Variants in NXN observed in about 807,000 individuals in gnomAD.
NXN encodes nucleoredoxin, also known as nucleoredoxin 1.
A neutral mutation model predicts 48.6 loss-of-function variants in NXN; 16 were observed. The observed-to-expected ratio is 0.33, with a 90% CI of 0.22 to 0.50. The LOEUF (loss-of-function observed/expected upper bound fraction) is 0.50. Among genes scored for constraint, NXN ranks in the 20% least tolerant of loss-of-function variants. The probability of loss-of-function intolerance (pLI) is 0.98; values close to 1 mark genes in which losing one functional copy is unlikely to be tolerated. For synonymous variants in NXN, 281 were observed against 269.6 expected (o/e 1.04, Z -0.41); for missense variants, 492 against 605.5 (o/e 0.81, Z 1.97).
intron 1 of NXN, among the ~76,000 whole-genome samples, chr17:955,396 C>T (rs562683833): frequency 3.3e-5 from 5 of 151,062 alleles, no homozygotes; most frequent in African/African-American, 1.2e-4. Context: ...TCTCGAACTC[C>T]TGACCTCAGG....
rs532653211 is a variant in NXN, at chr17:954,221, T to A, written c.360+25098A>T. ...GGTGAACTTCCATCTCTACTAAAAA[T>A]ACAAAAAAACTTAGCCAGGTGTGGT... On this transcript the variant is annotated intron_variant, in intron 1 of 7. Transcript: ENST00000336868. Among the ~76,000 whole-genome samples, 12 of 151,692 alleles carry A rather than the reference T, an allele frequency of 7.9e-5. No homozygotes were observed. The East Asian group carries it at 2.4e-3, about 30-fold the overall frequency.
At chr17:888,885 G>A (rs1411734782) in intron 1 of NXN, among the ~76,000 whole-genome samples, 1 of 151,472 alleles carries the variant, frequency 6.6e-6, no homozygotes. Context: ...AACCCAGGAG[G>A]TGGAGGTTGC....
chr17:841,488 T>C (rs565940254), intron 1 of NXN, among the ~76,000 whole-genome samples: 17 of 31,056 alleles, frequency 5.5e-4, no homozygotes, highest in African/African-American at 1.1e-3. Context: ...AGGTCCCCCC[T>C]GACCACGGCG....
intron 1 of NXN, among the ~76,000 whole-genome samples, chr17:890,493 C>T (rs1363328566): frequency 6.6e-6 from 1 of 152,038 alleles, no homozygotes; most frequent in Non-Finnish European, 1.5e-5. Context: ...CCTGCCTCAG[C>T]CTCCCCAGTA....
At chr17:876,548 T>C (rs994792475) in intron 1 of NXN, among the ~76,000 whole-genome samples, 3 of 152,028 alleles carry the variant, frequency 2.0e-5, no homozygotes, top group African/African-American at 7.2e-5. Context: ...ACCTGGAGAG[T>C]AGGAAGTAAG....
Position 979,696 on chromosome 17 carries a change from C to T in NXN, c.-18G>A. ...CCCGACATCCTGGCCCACCGCAGGG[C>T]GGGCAGGCGGCTGCGACCCCGCTCC... On this transcript the variant is annotated 5_prime_UTR_variant, in exon 1 of 8. Transcript: ENST00000336868. 6.4e-6 allele frequency: 9 copies of T among 1,397,334 alleles called. No homozygotes were observed. Among genetic ancestry groups the T allele is most frequent in the Non-Finnish European group, 7.5e-6 (8 of 1,073,600 alleles). 86.6% of individuals were successfully genotyped at this position (1,397,334 alleles called of 1,614,324 possible). A position where few individuals can be genotyped will look rare whatever the true frequency, so the allele number is the denominator to read the frequency against.
chr17:842,621 G>A, intron 1 of NXN: 1 of 957,610 alleles, frequency 1.0e-6, no homozygotes, highest in Non-Finnish European at 1.2e-6. Context: ...AGGCAACTTG[G>A]CTACTAAACT....
At chr17:926,742 G>A (rs371423532) in intron 1 of NXN, among the ~76,000 whole-genome samples, 10 of 556 alleles carry the variant, frequency 0.018, no homozygotes, top group East Asian at 0.5. Flanking sequence ...ATGGGGTTTC[G>A]TCATGTTCCC....
intron 1 of NXN, among the ~76,000 whole-genome samples, chr17:874,778 A>G (rs143350157): frequency 0.027 from 4,151 of 152,250 alleles, 66 homozygotes; most frequent in Non-Finnish European, 0.036. Context: ...GCAATGGGAG[A>G]ACAGACTAAT....
At chr17:827,036 G>A (rs531231082) in intron 1 of NXN, among the ~76,000 whole-genome samples, 8 of 152,276 alleles carry the variant, frequency 5.3e-5, no homozygotes, top group South Asian at 2.1e-4. Context: ...GAACCTCCCC[G>A]CCAAGCCCAA....
chr17:826,217 G>A, intron 1 of NXN, 139 bp from the exon 2 acceptor site: 1 of 719,578 alleles, frequency 1.4e-6, no homozygotes, highest in Non-Finnish European at 2.6e-6. Flanking sequence ...ATGCCAAGCA[G>A]GGCTGCTGGG....
chr17:914,140 C>G (rs2068662411), intron 1 of NXN, among the ~76,000 whole-genome samples: 1 of 151,436 alleles, frequency 6.6e-6, no homozygotes, highest in Non-Finnish European at 1.5e-5. Flanking sequence ...CCTCAAGTGA[C>G]TCACCTACCT....
Position 830,067 on chromosome 17 carries a change from A to C in NXN, c.361-3989T>G, listed in dbSNP as rs2144667423. On this transcript the variant is annotated intron_variant, in intron 1 of 7. Coordinates refer to ENST00000336868, the MANE Select transcript of NXN (RefSeq NM_022463.5). This position sits in a 1 kb window ranked among gnomAD's most constrained non-coding sequence, Gnocchi z 4.2. ...ACCACACTGTCCTCCACAATGGTTG[A>C]ACTAATTGACCCTCCCACCAACAGT... 6.6e-6 allele frequency among the ~76,000 whole-genome samples: 1 copy of C among 152,300 alleles called. No homozygotes were observed. The highest frequency in any genetic ancestry group is 2.1e-4 in the South Asian group (1 of 4,828).
chr17:979,514 G>A lies in NXN; in HGVS notation c.165C>T (p.Ala55=). The A allele has an allele frequency of 8.0e-7, 1 of 1,253,010 alleles. No homozygotes were observed. Among genetic ancestry groups the A allele is most frequent in the Non-Finnish European group, 1.0e-6 (1 of 993,956 alleles). The allele number at this position is 1,253,010 out of a possible 1,614,324, so 77.6% of individuals were successfully genotyped here. ...CGTCCCCCCGCAGGCGCCCGTAGAA[G>A]GCGGCCAGGCTGGCGCTGAGCTGCG... is the stretch of plus-strand genomic sequence containing the variant. ...PCAQLSASLA[A]FYGRLRGDAA... is the part of the protein sequence containing the mutation. The change falls in exon 1 of 8, where the codon GCC becomes GCT. Residue 55 remains alanine, a synonymous_variant. Transcript: ENST00000336868.
rs543171485 is a variant in NXN, at chr17:873,869, C to T, written c.361-47791G>A. Among the ~76,000 whole-genome samples the T allele has an allele frequency of 1.6e-4, 24 of 152,240 alleles. No homozygotes were observed. In the South Asian group the frequency reaches 4.8e-3, roughly 30 times the overall value. On this transcript the variant is annotated intron_variant, in intron 1 of 7. Coordinates refer to ENST00000336868, the MANE Select transcript of NXN (RefSeq NM_022463.5). ...TGAGTGAGGGAGTGGGGGAAACACA[C>T]GGGTTCTGGTGAGGATGATCACGTC...
chr17:844,238 C>T (rs1202794282), intron 1 of NXN, among the ~76,000 whole-genome samples: 1 of 147,106 alleles, frequency 6.8e-6, no homozygotes, highest in Non-Finnish European at 1.5e-5. Flanking sequence ...AGGTGGGAGA[C>T]CAGGCCATCC....
Position 805,263 on chromosome 17 carries a change from G to T in NXN, c.821-16C>A, listed in dbSNP as rs368965435. ...GTGGGGATGCCTGCAGGGAAGAGGGGGTGCTTGGCCGCTGGCCCGGGAGAT... is the reference window on the plus strand; with the variant it reads ...GTGGGGATGCCTGCAGGGAAGAGGGTGTGCTTGGCCGCTGGCCCGGGAGAT... On this transcript the variant is annotated splice_polypyrimidine_tract_variant and intron_variant, in intron 5 of 7. Transcript: ENST00000336868. 75 of 1,598,652 alleles carry T rather than the reference G, an allele frequency of 4.7e-5. No individual in the cohort carries two copies. The African/African-American group carries it at 8.8e-4, about 19-fold the overall frequency.
intron 1 of NXN, among the ~76,000 whole-genome samples, chr17:977,952 T>G (rs1324235035): frequency 1.3e-5 from 2 of 152,216 alleles, no homozygotes; most frequent in African/African-American, 2.4e-5. Flanking sequence ...TTTCCCAATA[T>G]GAAATTTACA....
At chr17:870,669 T>C (rs1296031920) in intron 1 of NXN, among the ~76,000 whole-genome samples, 2 of 151,412 alleles carry the variant, frequency 1.3e-5, no homozygotes, top group Non-Finnish European at 2.9e-5. Context: ...GTGGGAGGAC[T>C]GGTTAAGCCT....
Sources: allele counts gnomAD v4.1 joint callset (sites outside exome capture counted in the v4.1 genomes callset), GRCh38; gene constraint gnomAD v4.1.1; non-coding constraint Gnocchi (gnomAD v3.1); transcripts MANE v1.5; gene names NCBI Gene and HGNC (gene_info 2026-07-23, HGNC 2026-07-21).